Variants in ERC2 observed in about 807,000 individuals in gnomAD.
The protein encoded by ERC2 is ELKS/RAB6-interacting/CAST family member 2.
In ERC2, 42 loss-of-function variants were observed where a neutral mutation model predicts 114.8. The ratio of observed to expected loss-of-function variants is 0.37; its 90% CI spans 0.29 to 0.47. The LOEUF is 0.47. Among genes scored for constraint, ERC2 ranks in the 20% least tolerant of loss-of-function variants. ERC2 has a pLI of 0.99. For synonymous variants in ERC2, 454 were observed against 425.5 expected (o/e 1.07, Z -0.82); for missense variants, 939 against 1,150.7 (o/e 0.82, Z 2.66).
chr3:56,229,620 G>A (rs1188282853), intron 3 of ERC2, among the ~76,000 whole-genome samples: 1 of 152,134 alleles, frequency 6.6e-6, no homozygotes, highest in Non-Finnish European at 1.5e-5. Context: ...CAAAGATAAT[G>A]AGGCAGTCCT....
intron 17 of ERC2, among the ~76,000 whole-genome samples, chr3:55,584,898 A>G (rs977407529): frequency 3.3e-5 from 5 of 152,218 alleles, no homozygotes; most frequent in African/African-American, 1.2e-4. Context: ...AGCTAAGCAG[A>G]GGCCCTGATT....
At chr3:56,045,978 C>T (rs1228229484) in intron 7 of ERC2, among the ~76,000 whole-genome samples, 3 of 152,040 alleles carry the variant, frequency 2.0e-5, no homozygotes, top group Non-Finnish European at 4.4e-5. Flanking sequence ...TGACTGCACA[C>T]GAGAATCATC....
intron 14 of ERC2, among the ~76,000 whole-genome samples, chr3:55,848,437 T>C (rs1413361395): frequency 6.6e-6 from 1 of 152,238 alleles, no homozygotes; most frequent in Non-Finnish European, 1.5e-5. Flanking sequence ...CCATTCATCC[T>C]TCACACCGCA....
intron 3 of ERC2, among the ~76,000 whole-genome samples, chr3:56,190,627 T>A (rs1400002509): frequency 6.6e-6 from 1 of 151,878 alleles, no homozygotes; most frequent in Non-Finnish European, 1.5e-5. Flanking sequence ...TTTGTAGAGA[T>A]GAGGTCTTGC....
At chr3:55,534,731 A>G (rs145673812) in intron 17 of ERC2, among the ~76,000 whole-genome samples, 148 of 152,240 alleles carry the variant, frequency 9.7e-4, no homozygotes, top group African/African-American at 3.1e-3. Flanking sequence ...GTGCAAAATA[A>G]TAGCTCAATA....
intron 14 of ERC2, among the ~76,000 whole-genome samples, chr3:55,828,225 C>T (rs925626151): frequency 1.3e-5 from 2 of 152,226 alleles, no homozygotes; most frequent in Non-Finnish European, 2.9e-5. Flanking sequence ...CACAGACCAG[C>T]TCTCTTACTC....
chr3:56,377,877 C>G (rs1403897178), intron 2 of ERC2, among the ~76,000 whole-genome samples: 7 of 149,462 alleles, frequency 4.7e-5, no homozygotes, highest in African/African-American at 1.7e-4. Flanking sequence ...AAAACAAAAA[C>G]AAAACAAAAA....
chr3:55,649,370 C>T (rs568707210), intron 17 of ERC2, among the ~76,000 whole-genome samples: 5 of 151,524 alleles, frequency 3.3e-5, no homozygotes, highest in Non-Finnish European at 7.4e-5. Context: ...AAGCAATTCT[C>T]CTGCCTCAGC....
At chr3:55,882,319 G>A (rs544384863) in intron 14 of ERC2, among the ~76,000 whole-genome samples, 8 of 152,154 alleles carry the variant, frequency 5.3e-5, no homozygotes, top group Non-Finnish European at 1.2e-4. Context: ...GCAGATGCTG[G>A]CACCAAGCTC....
At chr3:56,088,081 G>A (rs184153863) in intron 6 of ERC2, among the ~76,000 whole-genome samples, 1 of 152,184 alleles carries the variant, frequency 6.6e-6, no homozygotes, top group Non-Finnish European at 1.5e-5. Context: ...GCAGAAGTGA[G>A]GTACATCACT....
At chr3:55,771,090 G>C (rs982063923) in intron 14 of ERC2, among the ~76,000 whole-genome samples, 2 of 152,156 alleles carry the variant, frequency 1.3e-5, no homozygotes, top group African/African-American at 4.8e-5. Context: ...ATTGTAAATA[G>C]TGCTGCAATA....
intron 17 of ERC2, among the ~76,000 whole-genome samples, chr3:55,598,094 T>C (rs1457102215): frequency 2.0e-5 from 3 of 152,184 alleles, no homozygotes; most frequent in East Asian, 3.9e-4. Flanking sequence ...CAACCTATTA[T>C]GCGTGGAGGC....
At chr3:55,905,930 C>T (rs2064407597) in intron 13 of ERC2, among the ~76,000 whole-genome samples, 1 of 152,178 alleles carries the variant, frequency 6.6e-6, no homozygotes, top group Non-Finnish European at 1.5e-5. Flanking sequence ...TGGTATTCTT[C>T]ATCTCAGCTC....
chr3:55,934,079 T>A (rs2066289828), intron 13 of ERC2, among the ~76,000 whole-genome samples: 1 of 152,228 alleles, frequency 6.6e-6, no homozygotes, highest in South Asian at 2.1e-4. Flanking sequence ...TATGCATATG[T>A]GTATATATAT....
At chr3:55,576,927 C>A (rs904637690) in intron 17 of ERC2, among the ~76,000 whole-genome samples, 17 of 152,232 alleles carry the variant, frequency 1.1e-4, no homozygotes, top group Non-Finnish European at 1.9e-4. Context: ...AGAGTCCTGG[C>A]CTCTCTGTCC....
intron 6 of ERC2, among the ~76,000 whole-genome samples, chr3:56,134,859 T>C (rs944941567): frequency 6.6e-6 from 1 of 152,132 alleles, no homozygotes; most frequent in Non-Finnish European, 1.5e-5. Context: ...TTGCAAACCA[T>C]GCCGAGTTGG....
chr3:56,323,221 C>T (rs1286862993), intron 2 of ERC2, among the ~76,000 whole-genome samples: 1 of 152,056 alleles, frequency 6.6e-6, no homozygotes, highest in East Asian at 1.9e-4. Context: ...TAAGAAAGTC[C>T]CCCTAGAATA....
chr3:55,553,921 G>A (rs1404069349), intron 17 of ERC2, among the ~76,000 whole-genome samples: 2 of 152,194 alleles, frequency 1.3e-5, no homozygotes, highest in Non-Finnish European at 2.9e-5. Context: ...TAGGACGTGG[G>A]AATATGAGTG....
chr3:56,127,187 C>G (rs940759932), intron 6 of ERC2, among the ~76,000 whole-genome samples: 1 of 151,870 alleles, frequency 6.6e-6, no homozygotes, highest in East Asian at 1.9e-4. Context: ...ACAAATAAAC[C>G]AAAAGATATC....
Sources: allele counts gnomAD v4.1 joint callset (sites outside exome capture counted in the v4.1 genomes callset), GRCh38; gene constraint gnomAD v4.1.1; transcripts MANE v1.5; gene names NCBI Gene and HGNC (gene_info 2026-07-23, HGNC 2026-07-21).